Variants in PAPSS1 observed in about 807,000 individuals in gnomAD.
PAPSS1 encodes the protein 3'-phosphoadenosine 5'-phosphosulfate synthase 1, also known as bifunctional 3'-phosphoadenosine 5'-phosphosulfate synthase 1.
PAPSS1 carries 50 observed loss-of-function variants against 72.0 expected under a neutral mutation model. The observed-to-expected ratio is 0.69, with a 90% CI of 0.55 to 0.88. The LOEUF (loss-of-function observed/expected upper bound fraction) is 0.88. PAPSS1 is among the 40% of genes least tolerant of loss of function. PAPSS1 has a pLI of 0.00. For missense variants in PAPSS1, 657 were observed against 782.2 expected (o/e 0.84, Z 1.91); for synonymous variants, 261 against 263.6 (o/e 0.99, Z 0.09).
chr4:107,616,447 T>C (rs980833801), intron 11 of PAPSS1, among the ~76,000 whole-genome samples: 5 of 152,148 alleles, frequency 3.3e-5, no homozygotes, highest in Non-Finnish European at 7.4e-5. Flanking sequence ...TGAATGGTGC[T>C]AGGGACACCA....
chr4:107,614,938 C>T (rs1404764610), intron 11 of PAPSS1, among the ~76,000 whole-genome samples: 3 of 150,778 alleles, frequency 2.0e-5, no homozygotes, highest in Non-Finnish European at 4.4e-5. Flanking sequence ...CTCTACTCCC[C>T]AGCTCCTGGC....
At chr4:107,677,593 A>G (rs1055310914) in intron 5 of PAPSS1, among the ~76,000 whole-genome samples, 3 of 152,228 alleles carry the variant, frequency 2.0e-5, no homozygotes, top group Admixed American at 1.3e-4. Context: ...TGGTGGGACT[A>G]TAAACTAGTT....
intron 5 of PAPSS1, among the ~76,000 whole-genome samples, chr4:107,675,164 G>A (rs1427414035): frequency 6.6e-6 from 1 of 151,946 alleles, no homozygotes; most frequent in Non-Finnish European, 1.5e-5. Context: ...GCTAGCAGAA[G>A]ACAAGAAATA....
At chr4:107,690,877 T>C (rs1208891458) in intron 3 of PAPSS1, among the ~76,000 whole-genome samples, 1 of 152,102 alleles carries the variant, frequency 6.6e-6, no homozygotes, top group Non-Finnish European at 1.5e-5. Context: ...TAGCTCTCCA[T>C]AACAGGTATT....
intron 1 of PAPSS1, among the ~76,000 whole-genome samples, chr4:107,706,718 T>C (rs1723346870): frequency 6.6e-6 from 1 of 152,186 alleles, no homozygotes; most frequent in Non-Finnish European, 1.5e-5. Flanking sequence ...ATCTGTACAA[T>C]GAAGAGGTAG....
intron 5 of PAPSS1, among the ~76,000 whole-genome samples, chr4:107,676,804 C>G (rs1727663928): frequency 6.6e-6 from 1 of 152,146 alleles, no homozygotes; most frequent in African/African-American, 2.4e-5. Context: ...GCTACAGTAA[C>G]CAAAACAGCA....
At chr4:107,654,543 C>A in intron 8 of PAPSS1, 152 bp downstream of exon 8, 1 of 701,546 alleles carries the variant, frequency 1.4e-6, no homozygotes, top group Non-Finnish European at 2.6e-6. Context: ...ATGACAAGAG[C>A]ATAAACACTC....
chr4:107,681,320 ACC>A (rs951544908), intron 5 of PAPSS1, among the ~76,000 whole-genome samples: 5 of 152,108 alleles, frequency 3.3e-5, no homozygotes, highest in East Asian at 1.9e-4. Context: ...CAAGACCTCC[ACC>A]CACATAGAGG....
chr4:107,630,193 TC>T (rs138505710), intron 11 of PAPSS1, among the ~76,000 whole-genome samples: 36,411 of 152,158 alleles, frequency 0.24, 4,973 homozygotes, highest in Middle Eastern at 0.33. Flanking sequence ...AGTGTCCTGA[TC>T]TTGATGGAGC....
intron 9 of PAPSS1, among the ~76,000 whole-genome samples, chr4:107,650,445 G>T (rs1387951083): frequency 6.6e-6 from 1 of 152,156 alleles, no homozygotes; most frequent in Admixed American, 6.5e-5. Context: ...TAATATGAAA[G>T]TCCCTAATTA....
At chr4:107,710,524 AGGGAG>A (rs35495093) in intron 1 of PAPSS1, among the ~76,000 whole-genome samples, 120,042 of 151,680 alleles carry the variant, frequency 0.79, 50,776 homozygotes, top group South Asian at 0.95. Context: ...TGGGGTCCGA[AGGGAG>A]TAAGTGGATG....
chr4:107,695,841 G>A (rs944589100), intron 2 of PAPSS1, among the ~76,000 whole-genome samples: 4 of 151,996 alleles, frequency 2.6e-5, no homozygotes, highest in Non-Finnish European at 5.9e-5. Flanking sequence ...ATCTGACAAA[G>A]GTCTAATATC....
chr4:107,663,036 T>C (rs72883578), intron 5 of PAPSS1, among the ~76,000 whole-genome samples: 5,918 of 152,292 alleles, frequency 0.039, 361 homozygotes, highest in African/African-American at 0.14. Context: ...AAGTAAAGAA[T>C]TGAAATCTTC....
intron 4 of PAPSS1, among the ~76,000 whole-genome samples, chr4:107,684,701 T>C (rs1326161901): frequency 6.6e-6 from 1 of 152,156 alleles, no homozygotes; most frequent in African/African-American, 2.4e-5. Flanking sequence ...AACTCACCTA[T>C]AGCCTAGAAG....
At chr4:107,704,808 G>A (rs563397961) in intron 1 of PAPSS1, among the ~76,000 whole-genome samples, 25 of 152,132 alleles carry the variant, frequency 1.6e-4, no homozygotes, top group South Asian at 1.2e-3. Flanking sequence ...AAAATTAGCC[G>A]GGAATGGTGG....
At position 107,647,335 on chromosome 4, in the gene PAPSS1, C is replaced by G. The variant is rs150764008; in HGVS notation, c.1238-2265G>C. On this transcript the variant is annotated intron_variant, in intron 9 of 11. Coordinates refer to ENST00000265174, the MANE Select transcript of PAPSS1 (RefSeq NM_005443.5). ...CAGAGTGAGGGAAGGAAAGAATGGG[C>G]GTCTTCACCTATACATGACACTGCT... Among the ~76,000 whole-genome samples, 101 of 152,328 alleles carry G rather than the reference C, an allele frequency of 6.6e-4. 2 individuals carry two copies. The highest frequency in any genetic ancestry group is 4.8e-3 in the Admixed American group (73 of 15,308).
chr4:107,622,705 C>G (rs1725997293), intron 11 of PAPSS1, among the ~76,000 whole-genome samples: 3 of 152,206 alleles, frequency 2.0e-5, no homozygotes, highest in Admixed American at 2.0e-4. Context: ...AATGTAGAAG[C>G]AGACTCTTGC....
intron 10 of PAPSS1, among the ~76,000 whole-genome samples, chr4:107,634,784 C>A (rs1578388035): frequency 7.0e-6 from 1 of 143,468 alleles, no homozygotes. Context: ...AAAATTTCTA[C>A]AATATTCTAG....
At chr4:107,703,977 T>G (rs566589272) in intron 1 of PAPSS1, among the ~76,000 whole-genome samples, 1 of 152,260 alleles carries the variant, frequency 6.6e-6, no homozygotes, top group Non-Finnish European at 1.5e-5. Context: ...TTTCAATCCA[T>G]GAATACATAC....
Sources: allele counts gnomAD v4.1 joint callset (sites outside exome capture counted in the v4.1 genomes callset), GRCh38; gene constraint gnomAD v4.1.1; transcripts MANE v1.5; gene names NCBI Gene and HGNC (gene_info 2026-07-23, HGNC 2026-07-21).